Variants in GALM observed in about 807,000 individuals in gnomAD.
GALM encodes the protein aldose 1-epimerase.
GALM carries 43 observed loss-of-function variants against 37.4 expected under a neutral mutation model. The ratio of observed to expected loss-of-function variants is 1.15; its 90% CI spans 0.90 to 1.48. The LOEUF is 1.48. GALM is among the 40% of genes most tolerant of loss of function. GALM has a pLI of 0.00. For synonymous variants in GALM, 199 were observed against 170.6 expected (o/e 1.17, Z -1.30); for missense variants, 456 against 419.1 (o/e 1.09, Z -0.77).
intron 4 of GALM, among the ~76,000 whole-genome samples, chr2:38,721,018 C>G (rs1666366773): frequency 6.6e-6 from 1 of 152,220 alleles, no homozygotes; most frequent in Admixed American, 6.5e-5. Flanking sequence ...GAAGAAGTAT[C>G]AACATCACAT....
intron 2 of GALM, among the ~76,000 whole-genome samples, chr2:38,679,009 CGGA>C (rs535798225): frequency 3.0e-3 from 455 of 152,064 alleles, no homozygotes; most frequent in African/African-American, 0.011. Flanking sequence ...TTTTTTGACA[CGGA>C]GTCTCACTCT....
chr2:38,689,956 AG>A (rs1665633263), intron 4 of GALM, 62 bp downstream of exon 4: 11 of 897,462 alleles, frequency 1.2e-5, no homozygotes, highest in South Asian at 5.8e-5. Context: ...AGGCCAAGAA[AG>A]GACATTAGTG....
intron 5 of GALM, among the ~76,000 whole-genome samples, chr2:38,729,969 C>A (rs1053809717): frequency 6.6e-6 from 1 of 152,106 alleles, no homozygotes; most frequent in Non-Finnish European, 1.5e-5. Context: ...CTGTTAGAAG[C>A]CTTAACTCTT....
chr2:38,690,729 G>A (rs767780294), intron 4 of GALM, among the ~76,000 whole-genome samples: 16 of 152,086 alleles, frequency 1.1e-4, no homozygotes, highest in Non-Finnish European at 2.1e-4. Context: ...CACTGCGCCC[G>A]GCCACTTTGG....
intron 1 of GALM, among the ~76,000 whole-genome samples, chr2:38,671,617 G>C (rs934942849): frequency 2.6e-5 from 4 of 152,184 alleles, no homozygotes; most frequent in Admixed American, 1.3e-4. Flanking sequence ...AAGCGTATCA[G>C]TAACATTTGA....
At chr2:38,701,102 T>C (rs1665907873) in intron 4 of GALM, among the ~76,000 whole-genome samples, 2 of 152,240 alleles carry the variant, frequency 1.3e-5, no homozygotes, top group South Asian at 4.1e-4. Flanking sequence ...AACAGATCCC[T>C]GGTACCCTGC....
At chr2:38,697,965 A>T (rs1183564253) in intron 4 of GALM, among the ~76,000 whole-genome samples, 1 of 150,882 alleles carries the variant, frequency 6.6e-6, no homozygotes, top group African/African-American at 2.4e-5. Flanking sequence ...TTTTTTTTAG[A>T]CAGAGTCTCA....
intron 4 of GALM, among the ~76,000 whole-genome samples, chr2:38,691,644 T>G (rs1424708409): frequency 6.6e-6 from 1 of 151,574 alleles, no homozygotes; most frequent in African/African-American, 2.4e-5. Flanking sequence ...TGATCTCTGC[T>G]GCACTCTACC....
Position 38,666,307 on chromosome 2 carries a change from AG to A in GALM, c.150del (p.Arg51GlufsTer94). The A allele has an allele frequency of 6.2e-7, 1 of 1,613,772 alleles. No homozygotes were observed. The highest frequency in any genetic ancestry group is 8.5e-7 in the Non-Finnish European group (1 of 1,179,822). On this transcript the variant is annotated frameshift_variant, in exon 1 of 7. Coordinates refer to ENST00000272252, the MANE Select transcript of GALM (RefSeq NM_138801.3). LOFTEE classifies it high-confidence loss of function. ...ACAGCCCTAGAGGTCAAAGACAGGC[AG>A]GGGAGAGCCTCGGACGTGGTGCTTG... The part of the protein sequence containing the change: ...TITALEVKDR[Q>X]GRASDVVLGF...
At chr2:38,701,886 T>C (rs956551345) in intron 4 of GALM, among the ~76,000 whole-genome samples, 2 of 152,190 alleles carry the variant, frequency 1.3e-5, no homozygotes, top group African/African-American at 4.8e-5. Context: ...TATTATATAA[T>C]TCTAAAATAT....
Position 38,675,980 on chromosome 2 carries a change from A to C in GALM, c.259A>C (p.Thr87Pro), listed in dbSNP as rs751449843. 18 of 1,614,072 alleles carry C rather than the reference A, an allele frequency of 1.1e-5. No homozygotes were observed. The highest frequency in any genetic ancestry group is 1.5e-5 in the Non-Finnish European group (18 of 1,179,984). ...GRVANRIAKGTFKVDGKEYHL... is the reference protein window; with the variant it reads ...GRVANRIAKGPFKVDGKEYHL... ...GGTGGCCAACCGAATCGCCAAAGGA[A>C]CCTTCAAGGTGGATGGGAAGGAGTA... Residue 87 changes from threonine to proline, a missense_variant, in exon 2 of 7, where the codon ACC (threonine) becomes CCC (proline). By Grantham distance (38) the Thr-to-Pro change is conservative. Coordinates refer to ENST00000272252, the MANE Select transcript of GALM (RefSeq NM_138801.3).
chr2:38,666,204 G>C lies in GALM; in HGVS notation c.43G>C (p.Gly15Arg), dbSNP rs779372238. The C allele has an allele frequency of 1.9e-6, 3 of 1,613,848 alleles. No homozygotes were observed. The African/African-American group carries it at 4.0e-5, about 22-fold the overall frequency. ...TRAVFGELPS[G>R]GGTVEKFQLQ... ...GGCCGTGTTTGGAGAGCTGCCCTCG[G>C]GAGGAGGGACAGTGGAGAAGTTCCA... is the stretch of plus-strand genomic sequence containing the variant. Residue 15 changes from glycine to arginine, a missense_variant, in exon 1 of 7, where the codon GGA (glycine) becomes CGA (arginine). By Grantham distance (125) the Gly-to-Arg change is moderately radical. Coordinates refer to ENST00000272252, the MANE Select transcript of GALM (RefSeq NM_138801.3).
At chr2:38,671,070 C>A (rs186339837) in intron 1 of GALM, among the ~76,000 whole-genome samples, 1 of 143,300 alleles carries the variant, frequency 7.0e-6, no homozygotes, top group Non-Finnish European at 1.5e-5. Flanking sequence ...CTCGCCAGTG[C>A]CTTGCCCAGG....
chr2:38,677,901 T>C (rs928569593), intron 2 of GALM, among the ~76,000 whole-genome samples: 1 of 151,796 alleles, frequency 6.6e-6, no homozygotes, highest in Non-Finnish European at 1.5e-5. Flanking sequence ...AATAGCAGCC[T>C]AGGAGATAGG....
chr2:38,718,928 A>G (rs1666322207), intron 4 of GALM, among the ~76,000 whole-genome samples: 1 of 151,902 alleles, frequency 6.6e-6, no homozygotes, highest in African/African-American at 2.4e-5. Context: ...TTCATGGCCA[A>G]ATATTACAAA....
At chr2:38,670,903 G>A (rs1342822823) in intron 1 of GALM, among the ~76,000 whole-genome samples, 2 of 152,174 alleles carry the variant, frequency 1.3e-5, no homozygotes, top group African/African-American at 4.8e-5. Flanking sequence ...TTCTGTGAAT[G>A]GGGGTTTTGA....
chr2:38,703,537 A>C (rs1176987988), intron 4 of GALM, among the ~76,000 whole-genome samples: 1 of 152,096 alleles, frequency 6.6e-6, no homozygotes. Context: ...TCATTGACTG[A>C]ATCTGTAAAA....
chr2:38,701,211 C>T (rs1257300903), intron 4 of GALM, among the ~76,000 whole-genome samples: 1 of 152,232 alleles, frequency 6.6e-6, no homozygotes, highest in African/African-American at 2.4e-5. Context: ...TATTACATTT[C>T]ACCTTTCACC....
chr2:38,674,215 C>CAG (rs1467014808), intron 1 of GALM, among the ~76,000 whole-genome samples: 2 of 138,612 alleles, frequency 1.4e-5, no homozygotes. Flanking sequence ...TTTTTTGAGA[C>CAG]AGTCTCGCTC....
Sources: allele counts gnomAD v4.1 joint callset (sites outside exome capture counted in the v4.1 genomes callset), GRCh38; gene constraint gnomAD v4.1.1; transcripts MANE v1.5; gene names NCBI Gene and HGNC (gene_info 2026-07-23, HGNC 2026-07-21).